ADARB2: variants seen among roughly 807,000 people sequenced by gnomAD.
ADARB2 encodes the protein inactive double-stranded RNA-specific editase B2.
Under a neutral mutation model 62.2 loss-of-function variants are expected in ADARB2, and 25 were observed. That is an observed-to-expected ratio of 0.40 (90% CI 0.29 to 0.56). The LOEUF is 0.56. Ranked by LOEUF, ADARB2 falls within the 20% of genes least tolerant of loss-of-function variation. The pLI, the probability that ADARB2 is intolerant of heterozygous loss-of-function variation, is 0.43. For synonymous variants in ADARB2, 572 were observed against 500.8 expected (o/e 1.14, Z -1.90); for missense variants, 1,071 against 1,077.4 (o/e 0.99, Z 0.08).
At chr10:1,185,668 G>A (rs1257009089) in intron 8 of ADARB2, among the ~76,000 whole-genome samples, 3 of 152,238 alleles carry the variant, frequency 2.0e-5, no homozygotes, top group Admixed American at 6.5e-5. Context: ...TGACAGTGGG[G>A]CGTTAAACCA....
intron 1 of ADARB2, among the ~76,000 whole-genome samples, chr10:1,549,353 GC>G (rs766594676): frequency 2.0e-5 from 3 of 152,160 alleles, no homozygotes; most frequent in Non-Finnish European, 2.9e-5. Flanking sequence ...GACACAAGGC[GC>G]TCTTTTTGAA....
chr10:1,661,911 G>C (rs1834253695), intron 1 of ADARB2, among the ~76,000 whole-genome samples: 1 of 152,156 alleles, frequency 6.6e-6, no homozygotes, highest in Non-Finnish European at 1.5e-5. Flanking sequence ...GGAGGGAAAG[G>C]GGCTAGGAGC....
At chr10:1,261,466 A>C (rs907220164) in intron 4 of ADARB2, among the ~76,000 whole-genome samples, 1 of 148,978 alleles carries the variant, frequency 6.7e-6, no homozygotes, top group Non-Finnish European at 1.5e-5. Flanking sequence ...AGAAAAAAAC[A>C]ACCCCATAAA....
intron 4 of ADARB2, among the ~76,000 whole-genome samples, chr10:1,247,123 G>A (rs1361191698): frequency 6.6e-6 from 1 of 151,832 alleles, no homozygotes; most frequent in Admixed American, 6.6e-5. Context: ...CTCATGATTT[G>A]GCTGTTTGTC....
chr10:1,713,708 A>G (rs1834980257), intron 1 of ADARB2, among the ~76,000 whole-genome samples: 1 of 152,210 alleles, frequency 6.6e-6, no homozygotes, highest in Admixed American at 6.5e-5. Flanking sequence ...CAGTACCTGG[A>G]TACCTCCATG....
chr10:1,622,708 T>G (rs1833719480), intron 1 of ADARB2, among the ~76,000 whole-genome samples: 1 of 152,184 alleles, frequency 6.6e-6, no homozygotes. Context: ...AAGAGGCGAT[T>G]CCTCATGCGT....
intron 1 of ADARB2, among the ~76,000 whole-genome samples, chr10:1,548,258 C>T (rs1428106850): frequency 6.6e-6 from 1 of 152,186 alleles, no homozygotes; most frequent in Non-Finnish European, 1.5e-5. Context: ...ACTCACTGGG[C>T]AAGGATGTCT....
intron 3 of ADARB2, among the ~76,000 whole-genome samples, chr10:1,288,172 C>G (rs904185744): frequency 1.3e-5 from 2 of 152,212 alleles, no homozygotes; most frequent in African/African-American, 4.8e-5. Flanking sequence ...TCACAGACAC[C>G]AGTTCTCAAG....
At chr10:1,707,231 C>A (rs1834900826) in intron 1 of ADARB2, among the ~76,000 whole-genome samples, 1 of 152,246 alleles carries the variant, frequency 6.6e-6, no homozygotes, top group African/African-American at 2.4e-5. Context: ...CCAGGACCTG[C>A]CCATAGGCGC....
chr10:1,413,312 A>G (rs1832774498), intron 1 of ADARB2, among the ~76,000 whole-genome samples: 1 of 152,142 alleles, frequency 6.6e-6, no homozygotes, highest in South Asian at 2.1e-4. Context: ...CTGACACAGC[A>G]CTGGGGAAGG....
chr10:1,355,898 CAT>C lies in ADARB2; in HGVS notation c.1077+7128_1077+7129del, dbSNP rs144976581. ...ATCACAATTGTATATACATTTTATA[CAT>C]ATGTTATAGAAATATATAGCATACA... On this transcript the variant is annotated intron_variant, in intron 3 of 9. Coordinates refer to ENST00000381312, the MANE Select transcript of ADARB2 (RefSeq NM_018702.4). Among the ~76,000 whole-genome samples, 406 of 152,184 alleles carry C rather than the reference CAT, an allele frequency of 2.7e-3. 1 individual carries two copies. The highest frequency in any genetic ancestry group is 0.026 in the East Asian group (134 of 5,178).
chr10:1,202,441 C>T (rs770697291), intron 7 of ADARB2, among the ~76,000 whole-genome samples: 1 of 152,200 alleles, frequency 6.6e-6, no homozygotes, highest in Non-Finnish European at 1.5e-5. Context: ...GGCCTCCCAC[C>T]GTGCTGGAAC....
At chr10:1,267,625 GAAA>G (rs1831218112) in intron 4 of ADARB2, among the ~76,000 whole-genome samples, 1 of 151,934 alleles carries the variant, frequency 6.6e-6, no homozygotes, top group South Asian at 2.1e-4. Flanking sequence ...TTCAATAAGA[GAAA>G]AAAGAAGACA....
At chr10:1,543,844 G>A (rs973933006) in intron 1 of ADARB2, among the ~76,000 whole-genome samples, 1 of 152,094 alleles carries the variant, frequency 6.6e-6, no homozygotes, top group Non-Finnish European at 1.5e-5. Context: ...CAGCCCGCCC[G>A]TGACGTGAGG....
chr10:1,737,258 C>A lies in ADARB2; in HGVS notation c.-108G>T. ...TGCTGCGAAGCTTGAGGTTGCAAAC[C>A]CGGGAGCGGCTCACTTTTCAGGACT... On this transcript the variant is annotated 5_prime_UTR_variant, in exon 1 of 10. Coordinates refer to ENST00000381312, the MANE Select transcript of ADARB2 (RefSeq NM_018702.4). 8.8e-7 allele frequency: 1 copy of A among 1,134,602 alleles called. No individual in the cohort carries two copies. The allele number at this position is 1,134,602 out of a possible 1,614,324, so 70.3% of individuals were successfully genotyped here.
At chr10:1,224,138 C>G (rs1166964483) in intron 6 of ADARB2, among the ~76,000 whole-genome samples, 1 of 152,152 alleles carries the variant, frequency 6.6e-6, no homozygotes, top group Non-Finnish European at 1.5e-5. Context: ...CAGCTTCTTC[C>G]TTGTTTAGTC....
intron 4 of ADARB2, among the ~76,000 whole-genome samples, chr10:1,256,603 A>C (rs967305637): frequency 6.6e-6 from 1 of 152,234 alleles, no homozygotes; most frequent in Non-Finnish European, 1.5e-5. Context: ...GATACCACAT[A>C]TATCAAAAGA....
intron 7 of ADARB2, chr10:1,215,835 C>T (rs960520288): frequency 2.0e-5 from 3 of 152,282 alleles, no homozygotes; most frequent in African/African-American, 4.8e-5. Context: ...AAATGTCCTG[C>T]ATTGGGGATG....
intron 3 of ADARB2, among the ~76,000 whole-genome samples, chr10:1,287,994 A>G (rs1444777285): frequency 2.0e-5 from 3 of 152,224 alleles, no homozygotes; most frequent in Non-Finnish European, 2.9e-5. Flanking sequence ...TGCAATCACA[A>G]CATCCACTGA....
Sources: allele counts gnomAD v4.1 joint callset (sites outside exome capture counted in the v4.1 genomes callset), GRCh38; gene constraint gnomAD v4.1.1; transcripts MANE v1.5; gene names NCBI Gene and HGNC (gene_info 2026-07-23, HGNC 2026-07-21).